Variants in LARGE1 observed in about 807,000 individuals in gnomAD.
The protein encoded by LARGE1 is LARGE xylosyl- and glucuronyltransferase 1, also known as xylosyl- and glucuronyltransferase LARGE1.
LARGE1 carries 43 observed loss-of-function variants against 87.6 expected under a neutral mutation model. The observed-to-expected ratio is 0.49, with a 90% CI of 0.38 to 0.63. The LOEUF is 0.63. Among genes scored for constraint, LARGE1 ranks in the 30% least tolerant of loss-of-function variants. The pLI, the probability that LARGE1 is intolerant of heterozygous loss-of-function variation, is 0.00. For synonymous variants in LARGE1, 434 were observed against 394.6 expected (o/e 1.10, Z -1.18); for missense variants, 802 against 1,000.2 (o/e 0.80, Z 2.67).
At chr22:33,705,274 T>A (rs1192856167) in intron 2 of LARGE1, among the ~76,000 whole-genome samples, 1 of 152,168 alleles carries the variant, frequency 6.6e-6, no homozygotes, top group African/African-American at 2.4e-5. Flanking sequence ...TCTTGCAGAG[T>A]CTGTTCCACC....
the LARGE1 span, among the ~76,000 whole-genome samples, chr22:33,111,353 G>A: frequency 6.6e-6 from 1 of 152,112 alleles, no homozygotes; most frequent in Non-Finnish European, 1.5e-5. Flanking sequence ...ACCCTTTGTT[G>A]CTAAGGATGT....
intron 6 of LARGE1, among the ~76,000 whole-genome samples, chr22:33,530,788 T>A (rs2072159377): frequency 6.6e-6 from 1 of 152,220 alleles, no homozygotes; most frequent in Non-Finnish European, 1.5e-5. Context: ...TCATGCAGAT[T>A]CAAATTTGAG....
At chr22:33,835,641 G>A (rs116570140) in intron 1 of LARGE1, among the ~76,000 whole-genome samples, 1,629 of 152,286 alleles carry the variant, frequency 0.011, 28 homozygotes, top group African/African-American at 0.036. Context: ...TTGGAAAGTC[G>A]TTATAACGAA....
intron 11 of LARGE1, among the ~76,000 whole-genome samples, chr22:33,244,609 G>A (rs919470515): frequency 4.6e-5 from 7 of 152,166 alleles, no homozygotes; most frequent in African/African-American, 1.7e-4. Flanking sequence ...TATGCTTTTA[G>A]GGTCTTCAAA....
At chr22:33,571,270 T>C (rs1043062448) in intron 5 of LARGE1, among the ~76,000 whole-genome samples, 1 of 152,160 alleles carries the variant, frequency 6.6e-6, no homozygotes, top group African/African-American at 2.4e-5. Flanking sequence ...CAAAGGGAAA[T>C]CTGCCTTCTT....
chr22:33,283,109 C>T (rs1930780935), intron 13 of LARGE1, 93 bp downstream of exon 13: 2 of 1,540,364 alleles, frequency 1.3e-6, no homozygotes, highest in Non-Finnish European at 1.8e-6. Flanking sequence ...AGGCGAGCGA[C>T]AAACTTCCAG....
At chr22:33,102,742 C>T in the LARGE1 span, among the ~76,000 whole-genome samples, 3 of 152,058 alleles carry the variant, frequency 2.0e-5, no homozygotes, top group Admixed American at 2.0e-4. Context: ...CCGTCCGCCT[C>T]GGCTTTCCAA....
chr22:33,816,304 C>A (rs926977277), intron 1 of LARGE1, among the ~76,000 whole-genome samples: 1 of 152,126 alleles, frequency 6.6e-6, no homozygotes, highest in African/African-American at 2.4e-5. Context: ...AACAAAATGC[C>A]ACCGACTAGG....
At chr22:33,817,327 ACTTT>A (rs1192072450) in intron 1 of LARGE1, among the ~76,000 whole-genome samples, 3 of 152,166 alleles carry the variant, frequency 2.0e-5, no homozygotes, top group African/African-American at 7.2e-5. Flanking sequence ...TCTATTAGAT[ACTTT>A]CTAAGCCCTT....
chr22:33,314,452 C>T (rs1327319904), intron 11 of LARGE1, among the ~76,000 whole-genome samples: 1 of 152,180 alleles, frequency 6.6e-6, no homozygotes, highest in Non-Finnish European at 1.5e-5. Flanking sequence ...CTTCCTGGAG[C>T]TCTCAAGTGC....
chr22:33,331,684 C>T (rs573847374), intron 10 of LARGE1, among the ~76,000 whole-genome samples: 5 of 152,052 alleles, frequency 3.3e-5, no homozygotes, highest in Non-Finnish European at 4.4e-5. Context: ...CTGGGATTAC[C>T]GGCGTGAGCC....
intron 3 of LARGE1, among the ~76,000 whole-genome samples, chr22:33,633,925 CTCG>C (rs2080184955): frequency 1.3e-5 from 2 of 152,168 alleles, no homozygotes; most frequent in Non-Finnish European, 1.5e-5. Flanking sequence ...GCAGAGAGAC[CTCG>C]ATTGGAGCCA....
rs117648848 is a variant in LARGE1, at chr22:33,327,411, G to A, written c.1287+10235C>T. Among the ~76,000 whole-genome samples the A allele has an allele frequency of 4.7e-4, 72 of 152,294 alleles. No individual in the cohort carries two copies. In the East Asian group the frequency reaches 0.011, roughly 24 times the overall value. ...AAGACAAGCTTTCTGGAAAATACTC[G>A]TAACAATAACTGCCTAGATGGTGCA... On this transcript the variant is annotated intron_variant, in intron 10 of 14. Coordinates refer to ENST00000397394, the MANE Select transcript of LARGE1 (RefSeq NM_133642.5).
intron 9 of LARGE1, among the ~76,000 whole-genome samples, chr22:33,364,138 T>A (rs1446059818): frequency 6.6e-6 from 1 of 151,592 alleles, no homozygotes; most frequent in Admixed American, 6.6e-5. Flanking sequence ...CACTGCAAAC[T>A]CCGCCCCCCG....
chr22:33,527,399 G>C (rs564651164), intron 6 of LARGE1, among the ~76,000 whole-genome samples: 42 of 152,320 alleles, frequency 2.8e-4, no homozygotes, highest in African/African-American at 9.6e-4. Flanking sequence ...CGTGGAAGGA[G>C]CTCAAAGGGC....
chr22:33,128,529 G>T, the LARGE1 span, among the ~76,000 whole-genome samples: 1 of 152,048 alleles, frequency 6.6e-6, no homozygotes, highest in East Asian at 1.9e-4. Flanking sequence ...ACAAAAATTA[G>T]CCAGGCATGG....
At chr22:33,298,857 GAAAGAAAAGAAA>G (rs1404409536) in intron 12 of LARGE1, among the ~76,000 whole-genome samples, 6 of 147,960 alleles carry the variant, frequency 4.1e-5, no homozygotes, top group Non-Finnish European at 9.0e-5. Flanking sequence ...AAAGAAAGAA[GAAAGAAAAGAAA>G]AAAGAAAAGA....
intron 1 of LARGE1, among the ~76,000 whole-genome samples, chr22:33,773,886 G>T (rs1292902380): frequency 6.6e-6 from 1 of 152,166 alleles, no homozygotes; most frequent in Non-Finnish European, 1.5e-5. Flanking sequence ...AAAATAAATT[G>T]ATTGACTATA....
At chr22:33,136,428 A>T in the LARGE1 span, among the ~76,000 whole-genome samples, 1 of 152,178 alleles carries the variant, frequency 6.6e-6, no homozygotes, top group African/African-American at 2.4e-5. Context: ...TGAGAACAGT[A>T]TGGGAGAAAC....
Sources: gnomAD v4.1 joint callset for allele counts (sites outside exome capture counted in the v4.1 genomes callset) on GRCh38, gnomAD v4.1.1 for gene constraint, MANE v1.5 for transcripts, NCBI Gene and HGNC (gene_info 2026-07-23, HGNC 2026-07-21) for gene names.